The following ADGRB3 variants were observed in gnomAD, a reference collection of about 807,000 sequenced individuals.
ADGRB3 encodes the protein adhesion G protein-coupled receptor B3.
ADGRB3 carries 37 observed loss-of-function variants against 193.4 expected under a neutral mutation model. The observed-to-expected ratio is 0.19, with a 90% CI of 0.15 to 0.25. The LOEUF is 0.25. Ranked by LOEUF, ADGRB3 falls within the 10% of genes least tolerant of loss-of-function variation. ADGRB3 has a pLI of 1.00. For missense variants in ADGRB3, 1,637 were observed against 1,852.9 expected (o/e 0.88, Z 2.14); for synonymous variants, 690 against 644.2 (o/e 1.07, Z -1.08).
chr6:69,241,468 C>T (rs914476883), intron 20 of ADGRB3, among the ~76,000 whole-genome samples: 7 of 151,878 alleles, frequency 4.6e-5, no homozygotes, highest in Admixed American at 2.6e-4. Flanking sequence ...CCAATGGCTA[C>T]ATGCAGCTAG....
intron 20 of ADGRB3, among the ~76,000 whole-genome samples, chr6:69,269,453 G>T (rs896175127): frequency 6.6e-6 from 1 of 152,100 alleles, no homozygotes; most frequent in Non-Finnish European, 1.5e-5. Context: ...TTAATAAAGT[G>T]GTTTGTGCTT....
In ADGRB3 at chr6:69,361,195, T is replaced by C; in HGVS notation, c.3922T>C (p.Tyr1308His). ...HPQERMMESDYIVMPRSSVNN... is the reference protein window; with the variant it reads ...HPQERMMESDHIVMPRSSVNN... ...TCAAGAAAGAATGATGGAAAGTGAC[T>C]ATATTGTGATGCCCAGAAGTTCTGT... The change falls in exon 29 of 32, where the codon TAT becomes CAT. Residue 1308 changes from tyrosine to histidine, a missense_variant. Around this residue, in one of 7 missense-constraint regions of ADGRB3, gnomAD observed 368 missense variants for 367.4 expected, o/e 1.00. Transcript: ENST00000370598. 1 of 1,612,624 alleles carries C rather than the reference T, an allele frequency of 6.2e-7. No homozygotes were observed. Among genetic ancestry groups the C allele is most frequent in the East Asian group, 2.2e-5 (1 of 44,814 alleles).
intron 6 of ADGRB3, among the ~76,000 whole-genome samples, chr6:68,945,094 C>A (rs1286701110): frequency 6.6e-6 from 1 of 151,834 alleles, no homozygotes; most frequent in Non-Finnish European, 1.5e-5. Flanking sequence ...ATATATAAAA[C>A]GTGAAGAATA....
intron 20 of ADGRB3, among the ~76,000 whole-genome samples, chr6:69,296,997 T>A (rs1767833147): frequency 6.6e-6 from 1 of 152,128 alleles, no homozygotes; most frequent in African/African-American, 2.4e-5. Flanking sequence ...TAGGCTTATA[T>A]TTCAGTTTTG....
intron 13 of ADGRB3, among the ~76,000 whole-genome samples, chr6:69,031,529 C>A (rs555977462): frequency 5.7e-5 from 3 of 52,418 alleles, no homozygotes; most frequent in African/African-American, 1.4e-4. Context: ...CTCTTTCTTT[C>A]TTTCTTTCTT....
At chr6:68,726,722 G>A (rs1269532551) in intron 3 of ADGRB3, among the ~76,000 whole-genome samples, 1 of 151,598 alleles carries the variant, frequency 6.6e-6, no homozygotes, top group Non-Finnish European at 1.5e-5. Context: ...GTAAGATTCT[G>A]GCCCTACATG....
intron 20 of ADGRB3, among the ~76,000 whole-genome samples, chr6:69,304,242 A>T (rs1330182232): frequency 6.7e-6 from 1 of 149,290 alleles, no homozygotes; most frequent in African/African-American, 2.6e-5. Flanking sequence ...CCTAAAAATT[A>T]TATTGAGTGA....
At chr6:69,029,119 C>G (rs1228746731) in intron 13 of ADGRB3, among the ~76,000 whole-genome samples, 2 of 152,114 alleles carry the variant, frequency 1.3e-5, no homozygotes, top group East Asian at 3.9e-4. Context: ...ACATTCTAAC[C>G]TACTTCTGTT....
chr6:68,930,589 A>C lies in ADGRB3; in HGVS notation c.788A>C (p.Lys263Thr). The change falls in exon 4 of 32, where the codon AAA becomes ACA. Residue 263 changes from lysine (K) to threonine (T), a missense_variant. Coordinates refer to ENST00000370598, the MANE Select transcript of ADGRB3 (RefSeq NM_001704.3). Reference protein sequence around the residue: ...EFGMMGDHTIKSQRPRSVHEK... With the variant: ...EFGMMGDHTITSQRPRSVHEK... The stretch of plus-strand genomic sequence containing the variant: ...GGAATGATGGGAGATCATACAATTA[A>C]AAGTCAGCGACCTCGATCTGTTCAT... 1 of 1,612,608 alleles carries C rather than the reference A, an allele frequency of 6.2e-7. No individual in the cohort carries two copies. The highest frequency in any genetic ancestry group is 8.5e-7 in the Non-Finnish European group (1 of 1,179,194).
At chr6:69,266,973 A>G (rs1249495434) in intron 20 of ADGRB3, among the ~76,000 whole-genome samples, 1 of 152,014 alleles carries the variant, frequency 6.6e-6, no homozygotes, top group Non-Finnish European at 1.5e-5. Flanking sequence ...TTGCAGAAGT[A>G]TTTTTTGTAT....
intron 3 of ADGRB3, among the ~76,000 whole-genome samples, chr6:68,772,640 C>T (rs909448486): frequency 6.6e-6 from 1 of 151,762 alleles, no homozygotes; most frequent in Non-Finnish European, 1.5e-5. Context: ...GAAACAGATT[C>T]AAGCTAAAGT....
At chr6:68,732,763 G>A (rs963481398) in intron 3 of ADGRB3, among the ~76,000 whole-genome samples, 2 of 151,912 alleles carry the variant, frequency 1.3e-5, no homozygotes, top group Admixed American at 1.3e-4. Flanking sequence ...TCCATATTCT[G>A]TGGTGAGTCT....
intron 4 of ADGRB3, among the ~76,000 whole-genome samples, chr6:68,932,506 T>A (rs1212268624): frequency 6.6e-6 from 1 of 152,044 alleles, no homozygotes; most frequent in Non-Finnish European, 1.5e-5. Context: ...CCAAATATAG[T>A]ATAGACAAAC....
chr6:69,261,104 G>T (rs1766915271), intron 20 of ADGRB3, among the ~76,000 whole-genome samples: 1 of 152,084 alleles, frequency 6.6e-6, no homozygotes, highest in Non-Finnish European at 1.5e-5. Context: ...ATATGCAGTT[G>T]CACTATTGAA....
At chr6:68,687,035 TAC>T (rs1440127310) in intron 3 of ADGRB3, among the ~76,000 whole-genome samples, 1 of 152,136 alleles carries the variant, frequency 6.6e-6, no homozygotes, top group African/African-American at 2.4e-5. Context: ...TATTTTTATT[TAC>T]ACACACATTT....
intron 20 of ADGRB3, among the ~76,000 whole-genome samples, chr6:69,271,575 A>C (rs1326439011): frequency 6.6e-6 from 1 of 152,148 alleles, no homozygotes; most frequent in Admixed American, 6.6e-5. Context: ...AAGTTCCCTT[A>C]ATTATGTAGC....
intron 3 of ADGRB3, among the ~76,000 whole-genome samples, chr6:68,719,921 A>G (rs894024266): frequency 6.6e-6 from 1 of 151,690 alleles, no homozygotes; most frequent in Non-Finnish European, 1.5e-5. Flanking sequence ...AAGAAGAGAG[A>G]GAGACTGATT....
chr6:68,883,910 TTAA>T (rs2150225730), intron 3 of ADGRB3, among the ~76,000 whole-genome samples: 2 of 152,346 alleles, frequency 1.3e-5, no homozygotes, highest in Non-Finnish European at 2.9e-5. Context: ...AAAATTGGAA[TTAA>T]TAAGGCTTGA....
At chr6:69,037,349 AT>A (rs1307058988) in intron 13 of ADGRB3, among the ~76,000 whole-genome samples, 1 of 152,240 alleles carries the variant, frequency 6.6e-6, no homozygotes, top group Admixed American at 6.5e-5. Context: ...TCATTTATTT[AT>A]GAATTGTCTG....
Sources: allele counts gnomAD v4.1 joint callset (sites outside exome capture counted in the v4.1 genomes callset), GRCh38; gene constraint gnomAD v4.1.1; regional missense constraint gnomAD v4.1.1; transcripts MANE v1.5; gene names NCBI Gene and HGNC (gene_info 2026-07-23, HGNC 2026-07-21).